The following HAO1 variants were observed in gnomAD, a reference collection of about 807,000 sequenced individuals.
The protein encoded by HAO1 is hydroxyacid oxidase 1.
HAO1 carries 34 observed loss-of-function variants against 39.7 expected under a neutral mutation model. That is an observed-to-expected ratio of 0.86 (90% CI 0.65 to 1.14). HAO1 has a LOEUF of 1.14. Among genes scored for constraint, HAO1 ranks in the 50% most tolerant of loss-of-function variants. The pLI, the probability that HAO1 is intolerant of heterozygous loss-of-function variation, is 0.00. For synonymous variants in HAO1, 172 were observed against 173.2 expected (o/e 0.99, Z 0.05); for missense variants, 479 against 464.5 (o/e 1.03, Z -0.29).
At chr20:7,892,269 A>G (rs950875944) in intron 5 of HAO1, among the ~76,000 whole-genome samples, 1 of 152,106 alleles carries the variant, frequency 6.6e-6, no homozygotes, top group African/African-American at 2.4e-5. Flanking sequence ...CATTTTTAGT[A>G]GAGACGGGGT....
At chr20:7,886,621 T>G (rs1288915477) in intron 5 of HAO1, among the ~76,000 whole-genome samples, 1 of 152,150 alleles carries the variant, frequency 6.6e-6, no homozygotes. Context: ...TCCAAAATAT[T>G]TTGCATCCAA....
intron 5 of HAO1, among the ~76,000 whole-genome samples, chr20:7,886,579 A>G (rs1462194246): frequency 6.6e-6 from 1 of 152,242 alleles, no homozygotes; most frequent in Non-Finnish European, 1.5e-5. Context: ...AACACAACTA[A>G]TAATAAAACA....
At chr20:7,884,114 G>A (rs1002233074) in intron 7 of HAO1, among the ~76,000 whole-genome samples, 16 of 152,134 alleles carry the variant, frequency 1.1e-4, no homozygotes, top group African/African-American at 2.9e-4. Context: ...TCAAAAATGC[G>A]GTAGCTGATA....
At chr20:7,890,288 A>ACTGCAACC (rs1285366536) in intron 5 of HAO1, among the ~76,000 whole-genome samples, 1 of 151,980 alleles carries the variant, frequency 6.6e-6, no homozygotes, top group Non-Finnish European at 1.5e-5. Flanking sequence ...ATCTTGGCTC[A>ACTGCAACC]CTGCAACCTC....
At chr20:7,907,341 TGAA>T (rs1196345180) in intron 3 of HAO1, among the ~76,000 whole-genome samples, 1 of 152,144 alleles carries the variant, frequency 6.6e-6, no homozygotes, top group African/African-American at 2.4e-5. Context: ...TTAGGGATGT[TGAA>T]GTGTAAATAC....
chr20:7,902,789 C>T (rs1369269350), intron 4 of HAO1, among the ~76,000 whole-genome samples: 1 of 152,196 alleles, frequency 6.6e-6, no homozygotes, highest in Non-Finnish European at 1.5e-5. Context: ...TGAGTTCTGA[C>T]AAAGACCAAA....
chr20:7,923,658 G>T (rs1241073715), intron 2 of HAO1, among the ~76,000 whole-genome samples: 1 of 152,094 alleles, frequency 6.6e-6, no homozygotes, highest in Non-Finnish European at 1.5e-5. Context: ...CTTTGGCTTG[G>T]AACCAACAGG....
chr20:7,915,883 T>A (rs1197551518), intron 2 of HAO1, among the ~76,000 whole-genome samples: 1 of 152,190 alleles, frequency 6.6e-6, no homozygotes, highest in Non-Finnish European at 1.5e-5. Flanking sequence ...GGGAGAATTA[T>A]GGGGTTAGTT....
chr20:7,903,888 T>TGGTGGTGGC (rs2050235409), intron 4 of HAO1, among the ~76,000 whole-genome samples: 3 of 137,954 alleles, frequency 2.2e-5, no homozygotes, highest in Admixed American at 1.5e-4. Flanking sequence ...GTGGTGGTGG[T>TGGTGGTGGC]GGTGGTGGTG....
chr20:7,936,670 C>A (rs2050413864), intron 1 of HAO1, among the ~76,000 whole-genome samples: 1 of 151,966 alleles, frequency 6.6e-6, no homozygotes, highest in South Asian at 2.1e-4. Context: ...CACTTGGTGG[C>A]GCAGTCACTT....
intron 5 of HAO1, among the ~76,000 whole-genome samples, chr20:7,888,490 A>G (rs934777808): frequency 3.9e-5 from 6 of 152,188 alleles, no homozygotes; most frequent in African/African-American, 1.2e-4. Flanking sequence ...TAAAATAAAC[A>G]AAAGTAGATG....
At chr20:7,893,071 T>C (rs933083570) in intron 5 of HAO1, among the ~76,000 whole-genome samples, 1 of 152,120 alleles carries the variant, frequency 6.6e-6, no homozygotes, top group Non-Finnish European at 1.5e-5. Flanking sequence ...ATGAGACTCA[T>C]TGCTGCTAAG....
intron 2 of HAO1, among the ~76,000 whole-genome samples, chr20:7,929,211 A>T (rs1489478688): frequency 6.6e-6 from 1 of 152,238 alleles, no homozygotes; most frequent in Non-Finnish European, 1.5e-5. Context: ...ACAAAGAAAA[A>T]GAACAATTTT....
chr20:7,906,352 T>C (rs1487548920), intron 3 of HAO1, 23 bp from the exon 4 acceptor site: 1 of 1,394,444 alleles, frequency 7.2e-7, no homozygotes, highest in Non-Finnish European at 1.0e-6. Flanking sequence ...ATGCATAAAA[T>C]GAGAAATTTG....
chr20:7,915,695 G>A (rs549691953), intron 2 of HAO1, among the ~76,000 whole-genome samples: 1 of 152,196 alleles, frequency 6.6e-6, no homozygotes, highest in East Asian at 1.9e-4. Context: ...CTGTTTCTCT[G>A]GAGAACTCTG....
intron 4 of HAO1, among the ~76,000 whole-genome samples, chr20:7,897,984 G>T (rs2050205133): frequency 6.6e-6 from 1 of 152,144 alleles, no homozygotes; most frequent in South Asian, 2.1e-4. Flanking sequence ...CAATTAGACT[G>T]TGAGCTCCTC....
chr20:7,920,172 C>T (rs982794332), intron 2 of HAO1, among the ~76,000 whole-genome samples: 4 of 152,034 alleles, frequency 2.6e-5, no homozygotes, highest in African/African-American at 9.7e-5. Context: ...AGTGAGTGAG[C>T]TCACACGAGA....
chr20:7,931,343 T>A lies in HAO1; in HGVS notation c.289+3141A>T, dbSNP rs557184837. Among the ~76,000 whole-genome samples the A allele has an allele frequency of 2.0e-5, 3 of 152,302 alleles. No homozygotes were observed. In the East Asian group the frequency reaches 5.8e-4, roughly 29 times the overall value. On this transcript the variant is annotated intron_variant, in intron 2 of 7. Coordinates refer to ENST00000378789, the MANE Select transcript of HAO1 (RefSeq NM_017545.3). ...TATAATTACTTCTAGGGGATCATAA[T>A]GGGCTTCTCCTCATGACACTTCATA...
intron 2 of HAO1, among the ~76,000 whole-genome samples, chr20:7,929,626 G>T (rs2050376992): frequency 6.6e-6 from 1 of 152,180 alleles, no homozygotes; most frequent in African/African-American, 2.4e-5. Context: ...AGCACTTTGG[G>T]AGGCCAAGGC....
Sources: allele counts gnomAD v4.1 joint callset (sites outside exome capture counted in the v4.1 genomes callset), GRCh38; gene constraint gnomAD v4.1.1; transcripts MANE v1.5; gene names NCBI Gene and HGNC (gene_info 2026-07-23, HGNC 2026-07-21).